Variants in SCNN1B observed in about 807,000 individuals in gnomAD.
The protein encoded by SCNN1B is sodium channel epithelial 1 subunit beta, also known as epithelial sodium channel subunit beta.
In SCNN1B, 46 loss-of-function variants were observed where a neutral mutation model predicts 65.3. The ratio of observed to expected loss-of-function variants is 0.70; its 90% CI spans 0.56 to 0.90. The LOEUF is 0.90. Among genes scored for constraint, SCNN1B ranks in the 40% least tolerant of loss-of-function variants. SCNN1B has a pLI of 0.00. For synonymous variants in SCNN1B, 349 were observed against 330.6 expected, an observed-to-expected ratio of 1.06 and a Z score of -0.60; for missense variants, 751 against 830.5, an observed-to-expected ratio of 0.90 and a Z score of 1.18.
chr16:23,318,959 G>A (rs367632105), intron 1 of SCNN1B, among the ~76,000 whole-genome samples: 2 of 152,180 alleles, frequency 1.3e-5, no homozygotes, highest in Non-Finnish European at 2.9e-5. Context: ...CTGAGATTGT[G>A]CAGGGGTGAT....
At chr16:23,292,419 G>C (rs377221790) in intron 2 of SCNN1B, among the ~76,000 whole-genome samples, 2 of 151,700 alleles carry the variant, frequency 1.3e-5, no homozygotes, top group South Asian at 2.1e-4. Context: ...GGATGGTCTC[G>C]ATCTCCTGAC....
chr16:23,341,008 C>T (rs555276070), intron 1 of SCNN1B, among the ~76,000 whole-genome samples: 1 of 152,100 alleles, frequency 6.6e-6, no homozygotes, highest in South Asian at 2.1e-4. Flanking sequence ...ATCAGTTTGT[C>T]AATTTCTACA....
intron 1 of SCNN1B, among the ~76,000 whole-genome samples, chr16:23,316,966 A>G (rs1427244835): frequency 2.0e-5 from 3 of 152,206 alleles, no homozygotes; most frequent in African/African-American, 7.2e-5. Context: ...CCAGAGCAAC[A>G]TTATGGTCAC....
chr16:23,290,831 C>G (rs1023015906), intron 2 of SCNN1B, among the ~76,000 whole-genome samples: 1 of 152,146 alleles, frequency 6.6e-6, no homozygotes, highest in African/African-American at 2.4e-5. Context: ...TTTCAGGCCA[C>G]TTAAGTAGCA....
chr16:23,373,754 G>T (rs915153746), intron 7 of SCNN1B, among the ~76,000 whole-genome samples: 1 of 152,168 alleles, frequency 6.6e-6, no homozygotes, highest in African/African-American at 2.4e-5. Context: ...CCATTGCCTG[G>T]CTGGTTTGGC....
intron 1 of SCNN1B, among the ~76,000 whole-genome samples, chr16:23,346,912 G>A (rs1459187652): frequency 2.6e-5 from 4 of 152,126 alleles, no homozygotes; most frequent in African/African-American, 9.7e-5. Flanking sequence ...GGTGGAAGCT[G>A]TAATTATCCC....
intron 1 of SCNN1B, among the ~76,000 whole-genome samples, chr16:23,347,874 G>A (rs1375060379): frequency 6.6e-6 from 1 of 152,224 alleles, no homozygotes; most frequent in Non-Finnish European, 1.5e-5. Context: ...GCGCCACTGC[G>A]CTCTAGGCTG....
At chr16:23,336,253 G>A (rs936633619) in intron 1 of SCNN1B, among the ~76,000 whole-genome samples, 4 of 152,162 alleles carry the variant, frequency 2.6e-5, no homozygotes, top group African/African-American at 9.7e-5. Flanking sequence ...TTAAAAGGAC[G>A]GCATGAAGCC....
chr16:23,348,955 T>A lies in SCNN1B; in HGVS notation c.311+45T>A, dbSNP rs7196248. ...ACAGCTGGCCTCAGCAGACAGGCGG[T>A]TCTCTTTCTCTCTTTTCTTCCCTTC... On this transcript the variant is annotated intron_variant, in intron 2 of 12. Coordinates refer to ENST00000343070, the MANE Select transcript of SCNN1B (RefSeq NM_000336.3). The surrounding 1 kb of genome is among the most constrained non-coding windows in gnomAD (Gnocchi z 4.5). The A allele has an allele frequency of 2.0e-6, 3 of 1,491,886 alleles. No homozygotes were observed. The highest frequency in any genetic ancestry group is 2.8e-6 in the Non-Finnish European group (3 of 1,069,956). The allele number at this position is 1,491,886 out of a possible 1,614,324, so 92.4% of individuals were successfully genotyped here.
At chr16:23,349,599 C>G (rs2142017194) in intron 2 of SCNN1B, among the ~76,000 whole-genome samples, 1 of 152,252 alleles carries the variant, frequency 6.6e-6, no homozygotes, top group South Asian at 2.1e-4. Context: ...TGGGCACCCT[C>G]TGTCTTCAGG....
intron 1 of SCNN1B, among the ~76,000 whole-genome samples, chr16:23,340,165 T>A (rs1247402144): frequency 6.6e-6 from 1 of 152,240 alleles, no homozygotes; most frequent in African/African-American, 2.4e-5. Context: ...TATTATTTAG[T>A]TGTAAGAGTT....
At chr16:23,331,393 C>T (rs1961809613) in intron 1 of SCNN1B, among the ~76,000 whole-genome samples, 1 of 150,446 alleles carries the variant, frequency 6.6e-6, no homozygotes, top group African/African-American at 2.5e-5. Flanking sequence ...GGTGCAATCT[C>T]TACTCACTAC....
Position 23,372,650 on chromosome 16 carries a change from C to G in SCNN1B, c.1152+767C>G, listed in dbSNP as rs961130225. Reference sequence around the variant, plus strand: ...CTGGGACTACAGGTGCCCACCGCTACACCGGCTAATTTTTTTGTATTTTTA... The same window carrying G: ...CTGGGACTACAGGTGCCCACCGCTAGACCGGCTAATTTTTTTGTATTTTTA... On this transcript the variant is annotated intron_variant, in intron 7 of 12. Coordinates refer to ENST00000343070, the MANE Select transcript of SCNN1B (RefSeq NM_000336.3). Among the ~76,000 whole-genome samples, 4 of 151,828 alleles carry G rather than the reference C, an allele frequency of 2.6e-5. No individual in the cohort carries two copies. In the South Asian group the frequency reaches 6.2e-4, roughly 24 times the overall value.
At chr16:23,375,918 G>A in intron 8 of SCNN1B, 63 bp downstream of exon 8, 1 of 1,175,374 alleles carries the variant, frequency 8.5e-7, no homozygotes. Flanking sequence ...TCTGACCATA[G>A]AGGAGGAGGC....
intron 4 of SCNN1B, chr16:23,358,330 G>A (rs1209508254): frequency 1.3e-5 from 2 of 152,170 alleles, no homozygotes; most frequent in Admixed American, 6.6e-5. Context: ...TGCCATGTGC[G>A]AGGGGTAGGG....
At chr16:23,285,569 G>A (rs1321167036) in intron 2 of SCNN1B, among the ~76,000 whole-genome samples, 6 of 152,110 alleles carry the variant, frequency 3.9e-5, no homozygotes, top group Admixed American at 1.3e-4. Context: ...AGACTCACTT[G>A]AGCCCGGGAG....
At chr16:23,325,498 C>A (rs1176193267) in intron 1 of SCNN1B, among the ~76,000 whole-genome samples, 1 of 150,508 alleles carries the variant, frequency 6.6e-6, no homozygotes, top group African/African-American at 2.5e-5. Flanking sequence ...AACCTTTGAC[C>A]TCAAGTGATC....
At position 23,367,788 on chromosome 16, in the gene SCNN1B, C is replaced by T. The variant is rs13306632; in HGVS notation, c.777-68C>T. On this transcript the variant is annotated intron_variant, in intron 4 of 12. Coordinates refer to ENST00000343070, the MANE Select transcript of SCNN1B (RefSeq NM_000336.3). ...CTCCAAGGAGGAAATGAAAGGTGGA[C>T]GGCAGACAGTCGGGGGAGGCATTGC... 1.8e-4 allele frequency: 217 copies of T among 1,211,844 alleles called. No homozygotes were observed. In the East Asian group the frequency reaches 3.3e-3, roughly 19 times the overall value. The allele number at this position is 1,211,844 out of a possible 1,614,324, so 75.1% of individuals were successfully genotyped here.
chr16:23,352,120 C>T lies in SCNN1B; in HGVS notation c.312-681C>T, dbSNP rs916583188. Among the ~76,000 whole-genome samples, 8 of 152,360 alleles carry T rather than the reference C, an allele frequency of 5.3e-5. No homozygotes were observed. The South Asian group carries it at 1.7e-3, about 32-fold the overall frequency. Reference sequence around the variant, plus strand: ...ACCATGAGCCATTACAATTCTTCCTCACTCGAATGTGAATTTCATAAGGAA... The same window carrying T: ...ACCATGAGCCATTACAATTCTTCCTTACTCGAATGTGAATTTCATAAGGAA... On this transcript the variant is annotated intron_variant, in intron 2 of 12. Transcript: ENST00000343070.
Sources: gnomAD v4.1 joint callset for allele counts (sites outside exome capture counted in the v4.1 genomes callset) on GRCh38, gnomAD v4.1.1 for gene constraint, Gnocchi (gnomAD v3.1) non-coding constraint, MANE v1.5 for transcripts, NCBI Gene and HGNC (gene_info 2026-07-23, HGNC 2026-07-21) for gene names.